PDE9A: variants seen among roughly 807,000 people sequenced by gnomAD.
The protein encoded by PDE9A is high affinity cGMP-specific 3',5'-cyclic phosphodiesterase 9A.
Under a neutral mutation model 87.4 loss-of-function variants are expected in PDE9A, and 60 were observed. The ratio of observed to expected loss-of-function variants is 0.69; its 90% confidence interval spans 0.56 to 0.85. The LOEUF (loss-of-function observed/expected upper bound fraction) is 0.85, where lower values mean the gene tolerates loss of function less well. Ranked by LOEUF, PDE9A falls within the 40% of genes least tolerant of loss-of-function variation. The pLI, the probability that PDE9A is intolerant of heterozygous loss-of-function variation, is 0.00. For missense variants in PDE9A, 665 were observed against 779.0 expected, an observed-to-expected ratio of 0.85 and a Z score of 1.74; for synonymous variants, 272 against 279.4, an observed-to-expected ratio of 0.97 and a Z score of 0.27.
rs759552023 is a variant in PDE9A at position 42,659,133 on chromosome 21, A to G, written c.69+5250A>G. On this transcript the variant is annotated intron_variant, in intron 1 of 19. Transcript: ENST00000291539. This position sits in a 1 kb window ranked among gnomAD's most constrained non-coding sequence, Gnocchi z 4.1. ...GGCACAGGAAACTGGGCCCTTCCCA[A>G]TTTTAGCCCAAGGGTGCCGAAAAGT... 6.6e-6 allele frequency among the ~76,000 whole-genome samples: 1 copy of G among 152,210 alleles called. No homozygotes were observed. Among genetic ancestry groups the G allele is most frequent in the Non-Finnish European group, 1.5e-5 (1 of 68,028 alleles).
At chr21:42,731,518 T>G (rs1360627813) in intron 4 of PDE9A, among the ~76,000 whole-genome samples, 1 of 152,002 alleles carries the variant, frequency 6.6e-6, no homozygotes, top group Non-Finnish European at 1.5e-5. Context: ...ACAAGCAGGT[T>G]CCATTGAGCC....
chr21:42,733,362 CA>C lies in PDE9A; in HGVS notation c.508del (p.Ile170SerfsTer4). On this transcript the variant is annotated frameshift_variant, in exon 7 of 20. Transcript: ENST00000291539. LOFTEE classifies it high-confidence loss of function. ...QVAEQFSRAF[K>X]INELKAEVAN... is the part of the protein sequence containing the mutation. ...TTTTCTTTTTCATTCCTAGAGCATT[CA>C]AAATCAATGAACTGAAAGCTGAAGT... 6.3e-7 allele frequency: 1 copy of C among 1,585,050 alleles called. No homozygotes were observed. The highest frequency in any genetic ancestry group is 8.7e-7 in the Non-Finnish European group (1 of 1,153,462).
intron 4 of PDE9A, among the ~76,000 whole-genome samples, chr21:42,710,716 G>A (rs889511828): frequency 4.6e-5 from 7 of 151,978 alleles, no homozygotes; most frequent in African/African-American, 1.5e-4. Context: ...GGCCAGGTCC[G>A]GTGGCTCACG....
rs2269141 is a variant in PDE9A at position 42,692,441 on chromosome 21, T to A, written c.218+4447T>A. On this transcript the variant is annotated intron_variant, in intron 3 of 19. Coordinates refer to ENST00000291539, the MANE Select transcript of PDE9A (RefSeq NM_002606.3). The surrounding 1 kb of genome is among the most constrained non-coding windows in gnomAD (Gnocchi z 4.3). ...CGGTGCTGAGGCGGAGCACCTGGTG[T>A]CTGAGGTCTCCCCTGTGCTCTGTCG... 0.47 allele frequency among the ~76,000 whole-genome samples: 71,179 copies of A among 151,934 alleles called. 16,814 individuals carry two copies. The highest frequency in any genetic ancestry group is 0.6 in the Middle Eastern group (177 of 294).
intron 4 of PDE9A, among the ~76,000 whole-genome samples, chr21:42,721,144 T>C (rs2269148): frequency 0.64 from 97,843 of 151,998 alleles, 32,051 homozygotes; most frequent in East Asian, 0.94. Flanking sequence ...CTGCCCCAGA[T>C]GCTGCCAGCT....
intron 4 of PDE9A, among the ~76,000 whole-genome samples, chr21:42,720,683 A>G (rs2050415423): frequency 6.6e-6 from 1 of 152,042 alleles, no homozygotes. Context: ...GGCCTCTCTC[A>G]GTGTCACGCA....
At chr21:42,755,545 T>C (rs1419237740) in intron 10 of PDE9A, among the ~76,000 whole-genome samples, 1 of 152,134 alleles carries the variant, frequency 6.6e-6, no homozygotes, top group African/African-American at 2.4e-5. Flanking sequence ...CAGAAGAGGC[T>C]TTAAATATGC....
intron 4 of PDE9A, among the ~76,000 whole-genome samples, chr21:42,716,851 A>C (rs1304741670): frequency 2.1e-5 from 3 of 140,088 alleles, no homozygotes; most frequent in Non-Finnish European, 4.5e-5. Context: ...CCTAGGTTCA[A>C]GCGATTCTCC....
At chr21:42,697,105 C>T (rs1018352220) in intron 3 of PDE9A, among the ~76,000 whole-genome samples, 2 of 151,846 alleles carry the variant, frequency 1.3e-5, no homozygotes, top group Non-Finnish European at 2.9e-5. Context: ...TGAGTGAGGT[C>T]ATTCATAGGG....
intron 1 of PDE9A, among the ~76,000 whole-genome samples, chr21:42,667,394 G>A (rs2058079563): frequency 6.6e-6 from 1 of 152,186 alleles, no homozygotes; most frequent in African/African-American, 2.4e-5. Context: ...CATGGATGGG[G>A]CACAGTTTTT....
chr21:42,670,631 A>G (rs577622377), intron 1 of PDE9A, among the ~76,000 whole-genome samples: 4 of 151,884 alleles, frequency 2.6e-5, no homozygotes, highest in African/African-American at 7.3e-5. Context: ...TCACACACAC[A>G]TACACTTACA....
chr21:42,760,594 C>T lies in PDE9A; in HGVS notation c.1002+162C>T, dbSNP rs1457555742. On this transcript the variant is annotated intron_variant, in intron 12 of 19. Coordinates refer to ENST00000291539, the MANE Select transcript of PDE9A (RefSeq NM_002606.3). The surrounding 1 kb of genome is among the most constrained non-coding windows in gnomAD (Gnocchi z 5.2). The stretch of plus-strand genomic sequence containing the variant: ...CGCACCCCTGCCCACCGTTGTCAGT[C>T]ACCCCATGGGCGAGGCTGCTCCTAG... 1.3e-5 allele frequency among the ~76,000 whole-genome samples: 2 copies of T among 151,966 alleles called. No homozygotes were observed. Among genetic ancestry groups the T allele is most frequent in the South Asian group, 2.1e-4 (1 of 4,822 alleles).
intron 8 of PDE9A, among the ~76,000 whole-genome samples, chr21:42,745,431 A>G (rs991434566): frequency 6.6e-6 from 1 of 152,224 alleles, no homozygotes; most frequent in African/African-American, 2.4e-5. Flanking sequence ...TGAACAATCC[A>G]TCTTCGTCAT....
intron 4 of PDE9A, among the ~76,000 whole-genome samples, chr21:42,718,380 T>C (rs987537680): frequency 1.3e-5 from 2 of 151,842 alleles, no homozygotes; most frequent in Admixed American, 6.6e-5. Context: ...TTACGTGTTA[T>C]ATGTGCCATT....
chr21:42,671,492 A>G (rs567849414), intron 1 of PDE9A, among the ~76,000 whole-genome samples: 33 of 152,372 alleles, frequency 2.2e-4, no homozygotes, highest in Non-Finnish European at 4.6e-4. Flanking sequence ...GGTTAACTGT[A>G]ATCCATTCTG....
In PDE9A at chr21:42,706,711, CTATT is replaced by C. The variant is rs1222197510; in HGVS notation, c.262+7703_262+7706del. ...TCATTTTGTTGTGCAACCATCACCA[CTATT>C]TAATTCCAGAACATTTCCATCAACC... is the stretch of plus-strand genomic sequence containing the variant. On this transcript the variant is annotated intron_variant, in intron 4 of 19. Transcript: ENST00000291539. Among the ~76,000 whole-genome samples the C allele has an allele frequency of 4.6e-5, 7 of 152,120 alleles. 1 individual carries two copies. The highest frequency in any genetic ancestry group is 1.0e-4 in the Non-Finnish European group (7 of 68,022).
chr21:42,670,158 C>CACACAT (rs1491358066), intron 1 of PDE9A, among the ~76,000 whole-genome samples: 4 of 101,558 alleles, frequency 3.9e-5, no homozygotes, highest in Non-Finnish European at 9.7e-5. Flanking sequence ...CATTCACACG[C>CACACAT]ACACACATTC....
chr21:42,715,042 G>GT (rs925164625), intron 4 of PDE9A, among the ~76,000 whole-genome samples: 15 of 152,112 alleles, frequency 9.9e-5, no homozygotes, highest in Admixed American at 9.8e-4. Flanking sequence ...CTTGGGTTTT[G>GT]TTTTTCTGTT....
chr21:42,686,350 G>A (rs1325157205), intron 2 of PDE9A, 88 bp downstream of exon 2: 11 of 1,036,114 alleles, frequency 1.1e-5, no homozygotes, highest in Non-Finnish European at 1.7e-5. Flanking sequence ...AAGAGGCGCT[G>A]AAGGGCCCGA....
Sources: gnomAD v4.1 joint callset for allele counts (sites outside exome capture counted in the v4.1 genomes callset) on GRCh38, gnomAD v4.1.1 for gene constraint, Gnocchi (gnomAD v3.1) non-coding constraint, MANE v1.5 for transcripts, NCBI Gene and HGNC (gene_info 2026-07-23, HGNC 2026-07-21) for gene names.